The following ZNF831 variants were observed in gnomAD, a reference collection of about 807,000 sequenced individuals.
The protein encoded by ZNF831 is zinc finger protein 831.
ZNF831 carries 59 observed loss-of-function variants against 95.8 expected under a neutral mutation model. The ratio of observed to expected loss-of-function variants is 0.62; its 90% CI spans 0.50 to 0.77. The LOEUF is 0.77. ZNF831 is among the 30% of genes least tolerant of loss of function. ZNF831 has a pLI of 0.00. For missense variants in ZNF831, 2,205 were observed against 2,164.0 expected (o/e 1.02, Z -0.38); for synonymous variants, 961 against 925.5 (o/e 1.04, Z -0.70).
rs543311358 is a variant in ZNF831, at chr20:59,208,663, T to C, written c.4027+1607T>C. Among the ~76,000 whole-genome samples the C allele has an allele frequency of 6.6e-6, 1 of 152,308 alleles. No homozygotes were observed. The highest frequency in any genetic ancestry group is 1.9e-4 in the East Asian group (1 of 5,194). On this transcript the variant is annotated intron_variant, in intron 4 of 5. Transcript: ENST00000371030. The surrounding 1 kb of genome is among the most constrained non-coding windows in gnomAD (Gnocchi z 4.2). ...ACGAAGTGAGCCTCGGGGGTCATGG[T>C]ACTTGCTGGCTGACTCCTCGTTCCC...
chr20:59,173,936 C>T (rs915340015), intron 1 of ZNF831, among the ~76,000 whole-genome samples: 1 of 152,172 alleles, frequency 6.6e-6, no homozygotes, highest in Non-Finnish European at 1.5e-5. Flanking sequence ...ACTTGGAAGG[C>T]ATTCAGGTCT....
chr20:59,236,283 C>T (rs1234762628), intron 4 of ZNF831, among the ~76,000 whole-genome samples: 2 of 152,164 alleles, frequency 1.3e-5, no homozygotes, highest in Admixed American at 1.3e-4. Flanking sequence ...TTGGGCCAAA[C>T]ATGCCCTTTT....
chr20:59,206,772 G>A, intron 3 of ZNF831, 133 bp from the exon 4 acceptor site: 7 of 930,488 alleles, frequency 7.5e-6, no homozygotes, highest in South Asian at 1.6e-5. Flanking sequence ...GGGATCAGGA[G>A]TTGCTCAGAG....
At position 59,192,199 on chromosome 20, in the gene ZNF831, G is replaced by A. The variant is rs866806883; in HGVS notation, c.1180G>A (p.Glu394Lys). Residue 394 changes from glutamate to lysine, a missense_variant, in exon 2 of 6, where the codon GAA becomes AAA. Glu to Lys is a moderately conservative substitution (Grantham distance 56, BLOSUM62 1). Transcript: ENST00000371030. The surrounding 1 kb of genome is among the most constrained non-coding windows in gnomAD (Gnocchi z 5.2). ...GVAGAEPGAR[E>K]AGLELEKKRL... Reference sequence around the variant, plus strand: ...CGCAGGGGCCGAGCCCGGGGCGCGAGAAGCCGGCCTGGAGCTGGAGAAGAA... The same window carrying A: ...CGCAGGGGCCGAGCCCGGGGCGCGAAAAGCCGGCCTGGAGCTGGAGAAGAA... 1 of 1,577,360 alleles carries A rather than the reference G, an allele frequency of 6.3e-7. No individual in the cohort carries two copies.
At position 59,194,511 on chromosome 20, in the gene ZNF831, C is replaced by G. The variant is rs1983925968; in HGVS notation, c.3492C>G (p.Thr1164=). Residue 1164 remains threonine (T), a synonymous_variant, in exon 2 of 6, where the codon ACC becomes ACG. Transcript: ENST00000371030. ...SHSGTSRSHS[T]RSPHSTQNPF... is the part of the protein sequence containing the mutation. The stretch of plus-strand genomic sequence containing the variant: ...CAGGGACGTCCCGGAGCCACAGCAC[C>G]CGCAGTCCCCACAGCACCCAAAACC... 11 of 1,609,864 alleles carry G rather than the reference C, an allele frequency of 6.8e-6. No individual in the cohort carries two copies. The highest frequency in any genetic ancestry group is 9.3e-6 in the Non-Finnish European group (11 of 1,178,010).
rs927815315 is a variant in ZNF831, at chr20:59,215,277, A to G, written c.4027+8221A>G. 3.4e-4 allele frequency among the ~76,000 whole-genome samples: 52 copies of G among 152,330 alleles called. 1 individual carries two copies. The highest frequency in any genetic ancestry group is 9.9e-4 in the African/African-American group (41 of 41,570). On this transcript the variant is annotated intron_variant, in intron 4 of 5. Coordinates refer to ENST00000371030, the MANE Select transcript of ZNF831 (RefSeq NM_178457.3). ...TGCCGCTTCTCCTGGTACACAGACT[A>G]AAATTGGAACAGTGAAGAGGAGCTG...
rs575942728 is a variant in ZNF831 at position 59,191,219 on chromosome 20, C to T, written c.200C>T (p.Pro67Leu). 63 of 1,557,740 alleles carry T rather than the reference C, an allele frequency of 4.0e-5. No homozygotes were observed. The South Asian group carries it at 7.0e-4, about 17-fold the overall frequency. Reference protein sequence around the residue: ...ALPIPLYHTVPPGGLQPRAPL... With the variant: ...ALPIPLYHTVLPGGLQPRAPL... ...CCCATCCCACTGTACCACACGGTGC[C>T]TCCCGGGGGCCTCCAGCCCCGCGCC... The change falls in exon 2 of 6, where the codon CCT (proline) becomes CTT (leucine). Residue 67 changes from proline to leucine, a missense_variant. Coordinates refer to ENST00000371030, the MANE Select transcript of ZNF831 (RefSeq NM_178457.3).
chr20:59,212,932 T>A (rs945478423), intron 4 of ZNF831, among the ~76,000 whole-genome samples: 1 of 152,228 alleles, frequency 6.6e-6, no homozygotes, highest in Non-Finnish European at 1.5e-5. Flanking sequence ...GATGTTGCAT[T>A]TTGTGAAACT....
At chr20:59,133,023 C>T (rs1979395257) in intron 1 of ZNF831, among the ~76,000 whole-genome samples, 1 of 147,360 alleles carries the variant, frequency 6.8e-6, no homozygotes, top group African/African-American at 2.5e-5. Flanking sequence ...TCCTGCATGA[C>T]GTCCGTAGGA....
intron 4 of ZNF831, among the ~76,000 whole-genome samples, chr20:59,237,127 A>G (rs1184118834): frequency 6.6e-6 from 1 of 152,172 alleles, no homozygotes; most frequent in Non-Finnish European, 1.5e-5. Flanking sequence ...CTTCATAATA[A>G]TGAACTATAC....
intron 1 of ZNF831, among the ~76,000 whole-genome samples, chr20:59,175,704 A>G (rs780648029): frequency 2.0e-5 from 3 of 152,184 alleles, no homozygotes; most frequent in African/African-American, 4.8e-5. Flanking sequence ...TGGCTGCTTC[A>G]TAGCTGTCAG....
intron 3 of ZNF831, among the ~76,000 whole-genome samples, chr20:59,200,672 C>T (rs1984463455): frequency 6.6e-6 from 1 of 152,156 alleles, no homozygotes; most frequent in Non-Finnish European, 1.5e-5. Flanking sequence ...CGCTGATGTG[C>T]TTTCTGTCAC....
At chr20:59,227,282 C>A (rs1171680424) in intron 4 of ZNF831, among the ~76,000 whole-genome samples, 1 of 151,966 alleles carries the variant, frequency 6.6e-6, no homozygotes. Context: ...AAAATGGGAG[C>A]CTTTGTATGA....
At chr20:59,153,962 A>G (rs1393980908) in intron 2 of ZNF831, among the ~76,000 whole-genome samples, 3 of 152,122 alleles carry the variant, frequency 2.0e-5, no homozygotes, top group African/African-American at 7.2e-5. Flanking sequence ...AGGAGTGACT[A>G]TGGTGGCACA....
intron 4 of ZNF831, among the ~76,000 whole-genome samples, chr20:59,225,747 A>T (rs145131202): frequency 6.6e-6 from 1 of 152,212 alleles, no homozygotes; most frequent in African/African-American, 2.4e-5. Context: ...GAGTTCACCC[A>T]TCTCATTCTC....
chr20:59,156,635 A>G (rs190958952), intron 2 of ZNF831, among the ~76,000 whole-genome samples: 562 of 152,312 alleles, frequency 3.7e-3, no homozygotes, highest in Non-Finnish European at 5.3e-3. Flanking sequence ...CGCATAACTG[A>G]AACTTTGTAG....
rs368767590 is a variant in ZNF831, at chr20:59,192,811, G to A, written c.1792G>A (p.Gly598Ser). 5.6e-6 allele frequency: 9 copies of A among 1,611,048 alleles called. No individual in the cohort carries two copies. The highest frequency in any genetic ancestry group is 7.6e-6 in the Non-Finnish European group (9 of 1,179,080). ...AACTGCTGCGCGGGAGGCCATGGCC[G>A]GCAAGGGCAGAGCGGGCGGCAGGAA... Reference protein sequence around the residue: ...KRTAAREAMAGKGRAGGRKCG... With the variant: ...KRTAAREAMASKGRAGGRKCG... Residue 598 changes from glycine to serine, a missense_variant, in exon 2 of 6, where the codon GGC becomes AGC. Coordinates refer to ENST00000371030, the MANE Select transcript of ZNF831 (RefSeq NM_178457.3). This position sits in a 1 kb window ranked among gnomAD's most constrained non-coding sequence, Gnocchi z 5.2.
At chr20:59,174,655 C>CAGT (rs144470352) in intron 1 of ZNF831, among the ~76,000 whole-genome samples, 3,672 of 152,104 alleles carry the variant, frequency 0.024, 171 homozygotes, top group African/African-American at 0.085. Flanking sequence ...GTTGAGGCTG[C>CAGT]AGTGATCCAT....
intron 4 of ZNF831, among the ~76,000 whole-genome samples, chr20:59,228,034 A>C (rs1730153793): frequency 6.6e-6 from 1 of 152,240 alleles, no homozygotes; most frequent in African/African-American, 2.4e-5. Flanking sequence ...TTTCATAAAA[A>C]TATGCATATT....
Sources: allele counts gnomAD v4.1 joint callset (sites outside exome capture counted in the v4.1 genomes callset), GRCh38; gene constraint gnomAD v4.1.1; non-coding constraint Gnocchi (gnomAD v3.1); transcripts MANE v1.5; gene names NCBI Gene and HGNC (gene_info 2026-07-23, HGNC 2026-07-21).